ZNF277: variants seen among roughly 807,000 people sequenced by gnomAD.
ZNF277 encodes the protein nuclear receptor-interacting factor 4.
ZNF277 carries 55 observed loss-of-function variants against 60.7 expected under a neutral mutation model. That is an observed-to-expected ratio of 0.91 (90% CI 0.73 to 1.13). The LOEUF (loss-of-function observed/expected upper bound fraction) is 1.13, where lower values mean the gene tolerates loss of function less well. ZNF277 is among the 50% of genes most tolerant of loss of function. The pLI is 0.00. For missense variants in ZNF277, 510 were observed against 523.0 expected, an observed-to-expected ratio of 0.98 and a Z score of 0.24; for synonymous variants, 178 against 179.3, an observed-to-expected ratio of 0.99 and a Z score of 0.06.
chr7:112,272,137 C>G (rs989652903), intron 1 of ZNF277, among the ~76,000 whole-genome samples: 6 of 152,108 alleles, frequency 3.9e-5, no homozygotes, highest in African/African-American at 1.4e-4. Flanking sequence ...TCCATGAGCT[C>G]AATTGTTTTA....
At chr7:112,213,434 C>G (rs1013728416) in intron 1 of ZNF277, among the ~76,000 whole-genome samples, 1 of 151,930 alleles carries the variant, frequency 6.6e-6, no homozygotes, top group Admixed American at 6.6e-5. Flanking sequence ...TCAATGGGAC[C>G]CAACTTGTAG....
intron 1 of ZNF277, among the ~76,000 whole-genome samples, chr7:112,284,147 G>A (rs1016504142): frequency 6.6e-6 from 1 of 152,304 alleles, no homozygotes; most frequent in Non-Finnish European, 1.5e-5. Flanking sequence ...TACTGAATAA[G>A]ATAGTTAGAA....
intron 5 of ZNF277, among the ~76,000 whole-genome samples, chr7:112,325,469 G>A (rs532297612): frequency 1.3e-5 from 2 of 152,308 alleles, no homozygotes; most frequent in Admixed American, 1.3e-4. Context: ...TGATCCAGAA[G>A]GCATTAGGGA....
chr7:112,289,762 G>A (rs1286727296), intron 2 of ZNF277, among the ~76,000 whole-genome samples: 2 of 151,572 alleles, frequency 1.3e-5, no homozygotes, highest in African/African-American at 4.8e-5. Flanking sequence ...TTTTCTTTTT[G>A]AGTCCTGGCT....
At chr7:112,255,997 G>A (rs1201143991) in intron 1 of ZNF277, among the ~76,000 whole-genome samples, 1 of 152,108 alleles carries the variant, frequency 6.6e-6, no homozygotes, top group African/African-American at 2.4e-5. Flanking sequence ...TAAAACAAAT[G>A]CCATGTATTA....
At chr7:112,284,112 C>T (rs764563714) in intron 1 of ZNF277, among the ~76,000 whole-genome samples, 7 of 152,162 alleles carry the variant, frequency 4.6e-5, no homozygotes, top group African/African-American at 7.2e-5. Flanking sequence ...ATTCTCTCAT[C>T]TGGAAGATTG....
intron 4 of ZNF277, among the ~76,000 whole-genome samples, chr7:112,309,325 G>A (rs889968896): frequency 2.6e-5 from 4 of 151,880 alleles, no homozygotes; most frequent in Admixed American, 6.6e-5. Flanking sequence ...TATAACCAAC[G>A]AATACTTACA....
rs528709153 is a variant in ZNF277, at chr7:112,269,842, C to T, written c.92-17031C>T. 1.5e-4 allele frequency among the ~76,000 whole-genome samples: 23 copies of T among 152,186 alleles called. No individual in the cohort carries two copies. In the East Asian group the frequency reaches 4.4e-3, roughly 29 times the overall value. On this transcript the variant is annotated intron_variant, in intron 1 of 11. Transcript: ENST00000361822. ...TATTATCAGACTTTGCCAGTAGATA[C>T]CTTTGTCTGTCCCAGTGTATTATTC...
chr7:112,224,883 C>G (rs1383821060), intron 1 of ZNF277, among the ~76,000 whole-genome samples: 1 of 152,102 alleles, frequency 6.6e-6, no homozygotes, highest in African/African-American at 2.4e-5. Flanking sequence ...TGGCTCACAC[C>G]TGCAATCCCA....
At chr7:112,218,718 A>T (rs1333712290) in intron 1 of ZNF277, among the ~76,000 whole-genome samples, 3 of 152,194 alleles carry the variant, frequency 2.0e-5, no homozygotes, top group Admixed American at 1.3e-4. Flanking sequence ...ATCACACAGT[A>T]TGTGTCTTTT....
chr7:112,242,327 A>G (rs1030827576), intron 1 of ZNF277, among the ~76,000 whole-genome samples: 1 of 152,060 alleles, frequency 6.6e-6, no homozygotes, highest in Non-Finnish European at 1.5e-5. Flanking sequence ...AATTGACAGC[A>G]TTCCCCCTAA....
chr7:112,334,602 A>G (rs969582615), intron 7 of ZNF277, among the ~76,000 whole-genome samples: 2 of 152,140 alleles, frequency 1.3e-5, no homozygotes, highest in Non-Finnish European at 2.9e-5. Context: ...AACTCTCTAC[A>G]TATTGTACTC....
At chr7:112,330,548 C>CTTTTTTTTTTTTTTTTTTTTTTTTTTTT (rs1171213748) in intron 7 of ZNF277, 2 of 108,056 alleles carry the variant, frequency 1.9e-5, no homozygotes, top group Non-Finnish European at 3.6e-5. Flanking sequence ...AGACTCCTTT[C>CTTTTTTTTTTTTTTTTTTTTTTTTTTTT]TTTTTTTTTT....
chr7:112,339,341 T>G (rs1184193489), intron 9 of ZNF277, among the ~76,000 whole-genome samples: 1 of 152,220 alleles, frequency 6.6e-6, no homozygotes, highest in Non-Finnish European at 1.5e-5. Flanking sequence ...TTCTTTGATA[T>G]GGAGTCTCGC....
At chr7:112,293,145 T>TA (rs1317953809) in intron 2 of ZNF277, among the ~76,000 whole-genome samples, 5 of 152,206 alleles carry the variant, frequency 3.3e-5, no homozygotes, top group African/African-American at 1.2e-4. Context: ...CTTGCTTCTC[T>TA]ATTCACCATT....
chr7:112,296,343 C>T (rs1584387612), intron 4 of ZNF277, 32 bp downstream of exon 4: 3 of 1,101,164 alleles, frequency 2.7e-6, no homozygotes, highest in Non-Finnish European at 4.0e-6. Flanking sequence ...TGAATAGTGT[C>T]TTGAAAATAC....
At position 112,252,239 on chromosome 7, in the gene ZNF277, A is replaced by G. The variant is rs533487100; in HGVS notation, c.92-34634A>G. On this transcript the variant is annotated intron_variant, in intron 1 of 11. Coordinates refer to ENST00000361822, the MANE Select transcript of ZNF277 (RefSeq NM_021994.3). Reference sequence around the variant, plus strand: ...ATTTGCTTATTTCCTTTGGATTACAACTACATTTGAGATGCAAGAGGGTAG... The same window carrying G: ...ATTTGCTTATTTCCTTTGGATTACAGCTACATTTGAGATGCAAGAGGGTAG... 8.5e-5 allele frequency among the ~76,000 whole-genome samples: 13 copies of G among 152,326 alleles called. No individual in the cohort carries two copies. The East Asian group carries it at 2.5e-3, about 29-fold the overall frequency.
intron 5 of ZNF277, among the ~76,000 whole-genome samples, chr7:112,324,273 G>T (rs2117121036): frequency 6.6e-6 from 1 of 152,262 alleles, no homozygotes; most frequent in Non-Finnish European, 1.5e-5. Context: ...TTGAATATCT[G>T]ATGTAATTTA....
intron 1 of ZNF277, among the ~76,000 whole-genome samples, chr7:112,262,812 C>G (rs1791465991): frequency 6.6e-6 from 1 of 151,820 alleles, no homozygotes; most frequent in African/African-American, 2.4e-5. Flanking sequence ...ATAATACTGC[C>G]TAACTTCATA....
Sources: allele counts gnomAD v4.1 joint callset (sites outside exome capture counted in the v4.1 genomes callset), GRCh38; gene constraint gnomAD v4.1.1; transcripts MANE v1.5; gene names NCBI Gene and HGNC (gene_info 2026-07-23, HGNC 2026-07-21).